DAB1: variants seen among roughly 807,000 people sequenced by gnomAD.
DAB1 encodes DAB adaptor protein 1.
In DAB1, 15 loss-of-function variants were observed where a neutral mutation model predicts 64.6. The ratio of observed to expected loss-of-function variants is 0.23; its 90% confidence interval spans 0.16 to 0.36. DAB1 has a LOEUF of 0.36. DAB1 is among the 10% of genes least tolerant of loss of function. The pLI, the probability that DAB1 is intolerant of heterozygous loss-of-function variation, is 1.00. For synonymous variants in DAB1, 235 were observed against 251.9 expected, an observed-to-expected ratio of 0.93 and a Z score of 0.64; for missense variants, 596 against 706.7, an observed-to-expected ratio of 0.84 and a Z score of 1.78.
chr1:58,090,316 G>A (rs1311517863), intron 5 of DAB1, among the ~76,000 whole-genome samples: 1 of 152,200 alleles, frequency 6.6e-6, no homozygotes, highest in African/African-American at 2.4e-5. Flanking sequence ...GGAGGCAGTG[G>A]CACGCCCTTG....
chr1:58,348,235 A>T (rs1166363652), intron 3 of DAB1, among the ~76,000 whole-genome samples: 1 of 152,158 alleles, frequency 6.6e-6, no homozygotes, highest in East Asian at 1.9e-4. Flanking sequence ...TTTACCTTTG[A>T]ATGAGCAGAG....
chr1:58,080,841 C>T (rs1225827006), intron 5 of DAB1, among the ~76,000 whole-genome samples: 1 of 152,252 alleles, frequency 6.6e-6, no homozygotes, highest in Non-Finnish European at 1.5e-5. Flanking sequence ...CATCCTGCAA[C>T]TGATGTTTGC....
chr1:57,344,644 G>A (rs187406935), intron 1 of DAB1, among the ~76,000 whole-genome samples: 9 of 151,996 alleles, frequency 5.9e-5, no homozygotes, highest in South Asian at 2.1e-4. Context: ...AGCAGTATAC[G>A]CAGTTCATGA....
chr1:57,678,542 T>C (rs77399584), intron 6 of DAB1, among the ~76,000 whole-genome samples: 1 of 152,084 alleles, frequency 6.6e-6, no homozygotes, highest in African/African-American at 2.4e-5. Context: ...AAGGCTATAA[T>C]TCAGCATAGC....
chr1:58,446,085 C>T (rs1645062881), intron 3 of DAB1, among the ~76,000 whole-genome samples: 1 of 152,204 alleles, frequency 6.6e-6, no homozygotes. Flanking sequence ...TTACCCCTAA[C>T]CATCTATTTT....
chr1:57,634,440 G>T (rs1646027782), intron 7 of DAB1, among the ~76,000 whole-genome samples: 1 of 152,142 alleles, frequency 6.6e-6, no homozygotes, highest in Non-Finnish European at 1.5e-5. Flanking sequence ...TTACTCTAAG[G>T]ATTAAATGAA....
At chr1:57,346,849 TA>T (rs1678150666) in intron 1 of DAB1, among the ~76,000 whole-genome samples, 1 of 152,240 alleles carries the variant, frequency 6.6e-6, no homozygotes, top group Admixed American at 6.5e-5. Flanking sequence ...CTGAATTTGT[TA>T]ACTACCTCCT....
chr1:57,573,011 G>A (rs1424795311), intron 7 of DAB1, among the ~76,000 whole-genome samples: 2 of 152,088 alleles, frequency 1.3e-5, no homozygotes, highest in Non-Finnish European at 1.5e-5. Flanking sequence ...CAGAATTGAG[G>A]GTTAAAATTC....
At chr1:58,276,936 C>T (rs1661460161) in intron 4 of DAB1, among the ~76,000 whole-genome samples, 2 of 151,728 alleles carry the variant, frequency 1.3e-5, no homozygotes, top group African/African-American at 4.8e-5. Context: ...TAAGGGTCCC[C>T]TTTTGTGCCG....
At chr1:58,059,787 T>C (rs537501690) in intron 5 of DAB1, among the ~76,000 whole-genome samples, 61 of 152,328 alleles carry the variant, frequency 4.0e-4, no homozygotes, top group African/African-American at 1.4e-3. Context: ...ATCATCATTT[T>C]CATTTCACAA....
At chr1:58,256,359 G>C (rs1159632948) in intron 4 of DAB1, among the ~76,000 whole-genome samples, 2 of 152,166 alleles carry the variant, frequency 1.3e-5, no homozygotes, top group East Asian at 3.8e-4. Context: ...CCAGTCTTGT[G>C]TGCCATCTAC....
intron 2 of DAB1, among the ~76,000 whole-genome samples, chr1:57,226,670 A>ATATATATAT (rs1553158272): frequency 6.7e-5 from 8 of 119,498 alleles, no homozygotes; most frequent in African/African-American, 2.4e-4. Flanking sequence ...GGTTAAAAAA[A>ATATATATAT]AAATATATAT....
intron 2 of DAB1, among the ~76,000 whole-genome samples, chr1:57,239,293 T>C (rs1668333760): frequency 6.6e-6 from 1 of 152,184 alleles, no homozygotes; most frequent in African/African-American, 2.4e-5. Context: ...ATCCCATCAC[T>C]GTATTATTGT....
chr1:58,269,016 ATTT>A (rs918984644), intron 4 of DAB1, among the ~76,000 whole-genome samples: 12 of 22,294 alleles, frequency 5.4e-4, no homozygotes, highest in African/African-American at 1.1e-3. Context: ...TTTTTTATTT[ATTT>A]TTTTTTTATT....
At chr1:57,086,225 C>G (rs1431045663) in intron 4 of DAB1, among the ~76,000 whole-genome samples, 1 of 152,102 alleles carries the variant, frequency 6.6e-6, no homozygotes, top group East Asian at 1.9e-4. Flanking sequence ...CAAATAGAGT[C>G]CTTCTTCAGG....
chr1:57,791,123 C>G (rs1462043929), intron 6 of DAB1, among the ~76,000 whole-genome samples: 1 of 152,142 alleles, frequency 6.6e-6, no homozygotes, highest in East Asian at 1.9e-4. Context: ...AATTTCTACC[C>G]TCTAGTAGCT....
chr1:58,337,409 A>G (rs1479877401), intron 4 of DAB1, among the ~76,000 whole-genome samples: 2 of 152,224 alleles, frequency 1.3e-5, no homozygotes, highest in Non-Finnish European at 2.9e-5. Context: ...TTATTTTATA[A>G]GCATTTTTCT....
intron 3 of DAB1, among the ~76,000 whole-genome samples, chr1:58,408,113 C>T (rs1644634300): frequency 6.6e-6 from 1 of 152,332 alleles, no homozygotes; most frequent in African/African-American, 2.4e-5. Flanking sequence ...TCCAGACCCA[C>T]TGAATAGAAA....
intron 5 of DAB1, among the ~76,000 whole-genome samples, chr1:57,957,182 A>G (rs1228758604): frequency 1.3e-5 from 2 of 152,226 alleles, no homozygotes; most frequent in Non-Finnish European, 2.9e-5. Context: ...GTCGAGGACC[A>G]GGTAAGAAGC....
Sources: gnomAD v4.1 joint callset for allele counts (sites outside exome capture counted in the v4.1 genomes callset) on GRCh38, gnomAD v4.1.1 for gene constraint, MANE v1.5 for transcripts, NCBI Gene and HGNC (gene_info 2026-07-23, HGNC 2026-07-21) for gene names.